FRAS1: variants seen among roughly 807,000 people sequenced by gnomAD.
The protein encoded by FRAS1 is Fraser extracellular matrix complex subunit 1, also known as extracellular matrix organizing protein FRAS1.
A neutral mutation model predicts 435.2 loss-of-function variants in FRAS1; 290 were observed. The observed-to-expected ratio is 0.67, with a 90% CI of 0.61 to 0.73. The LOEUF is 0.73. FRAS1 is among the 30% of genes least tolerant of loss of function. FRAS1 has a pLI of 0.00. For synonymous variants in FRAS1, 1,800 were observed against 1,851.0 expected, an observed-to-expected ratio of 0.97 and a Z score of 0.71; for missense variants, 4,860 against 5,001.5, an observed-to-expected ratio of 0.97 and a Z score of 0.85.
chr4:78,420,335 C>T lies in FRAS1; in HGVS notation c.4540+1272C>T, dbSNP rs115987074. On this transcript the variant is annotated intron_variant, in intron 33 of 73. Transcript: ENST00000512123. Reference sequence around the variant, plus strand: ...ACGGTTCTCCCTACATTGCCAGAGTCGAGATGGAGCCCTTTCAAACTAGCA... The same window carrying T: ...ACGGTTCTCCCTACATTGCCAGAGTTGAGATGGAGCCCTTTCAAACTAGCA... 9.4e-3 allele frequency among the ~76,000 whole-genome samples: 1,428 copies of T among 152,272 alleles called. 29 individuals are homozygous for T. Among genetic ancestry groups the T allele is most frequent in the African/African-American group, 0.031 (1,278 of 41,560 alleles).
intron 2 of FRAS1, among the ~76,000 whole-genome samples, chr4:78,099,352 G>A (rs565062858): frequency 2.8e-4 from 42 of 152,270 alleles, no homozygotes; most frequent in African/African-American, 9.6e-4. Flanking sequence ...TGGCTGTGAC[G>A]GTAGGCATGT....
chr4:78,521,766 T>C (rs1721394294), intron 68 of FRAS1, 136 bp downstream of exon 68: 1 of 572,780 alleles, frequency 1.7e-6, no homozygotes, highest in South Asian at 2.1e-5. Context: ...TGCACATACA[T>C]CCATCCATAC....
chr4:78,486,410 A>G (rs1333506549), intron 58 of FRAS1, among the ~76,000 whole-genome samples: 1 of 152,198 alleles, frequency 6.6e-6, no homozygotes, highest in Non-Finnish European at 1.5e-5. Context: ...TAGACTGGCC[A>G]TGCACAATAA....
At chr4:78,233,075 G>A (rs1326946546) in intron 2 of FRAS1, among the ~76,000 whole-genome samples, 2 of 152,230 alleles carry the variant, frequency 1.3e-5, no homozygotes, top group East Asian at 1.9e-4. Flanking sequence ...CAAGTCCAGC[G>A]ACTGAGGGCT....
intron 18 of FRAS1, among the ~76,000 whole-genome samples, chr4:78,331,879 A>T (rs142053468): frequency 0.018 from 2,793 of 152,342 alleles, 30 homozygotes; most frequent in Non-Finnish European, 0.028. Flanking sequence ...AGGCCAGAAG[A>T]TCAGGAGACT....
intron 22 of FRAS1, 111 bp from the exon 23 acceptor site, chr4:78,369,727 G>C (rs1731422654): frequency 1.4e-5 from 12 of 855,036 alleles, no homozygotes; most frequent in East Asian, 2.8e-5. Flanking sequence ...ATGAAATGTA[G>C]AGCAGGTTGG....
At chr4:78,164,002 A>C (rs1721242274) in intron 2 of FRAS1, among the ~76,000 whole-genome samples, 1 of 152,140 alleles carries the variant, frequency 6.6e-6, no homozygotes, top group African/African-American at 2.4e-5. Context: ...GATAGTGAGG[A>C]TCACATTGGC....
chr4:78,308,050 T>G lies in FRAS1; in HGVS notation c.1535-16T>G. The G allele has an allele frequency of 6.3e-7, 1 of 1,579,918 alleles. No individual in the cohort carries two copies. The highest frequency in any genetic ancestry group is 8.6e-7 in the Non-Finnish European group (1 of 1,159,872). On this transcript the variant is annotated splice_polypyrimidine_tract_variant and intron_variant, in intron 14 of 73. Coordinates refer to ENST00000512123, the MANE Select transcript of FRAS1 (RefSeq NM_025074.7). ...TCTGCCGTAGATTACTCACTGATTT[T>G]GCTATTCGTCTGCAGTCTGCCATGA...
intron 2 of FRAS1, among the ~76,000 whole-genome samples, chr4:78,101,276 G>T (rs1409292659): frequency 6.6e-6 from 1 of 152,136 alleles, no homozygotes; most frequent in East Asian, 1.9e-4. Flanking sequence ...TGAATTGGTG[G>T]CAGTCTTCGG....
chr4:78,263,398 T>G (rs1206937890), intron 6 of FRAS1, among the ~76,000 whole-genome samples: 1 of 152,222 alleles, frequency 6.6e-6, no homozygotes, highest in African/African-American at 2.4e-5. Context: ...CAATTTGCCC[T>G]ATATCAACCA....
chr4:78,398,732 C>T (rs1039646899), intron 29 of FRAS1, among the ~76,000 whole-genome samples: 11 of 152,152 alleles, frequency 7.2e-5, no homozygotes, highest in African/African-American at 2.4e-4. Context: ...CGCCTGTAAT[C>T]GCAACACTTT....
rs116159439 is a variant in FRAS1 at position 78,244,129 on chromosome 4, A to G, written c.217-1104A>G. On this transcript the variant is annotated intron_variant, in intron 3 of 73. Coordinates refer to ENST00000512123, the MANE Select transcript of FRAS1 (RefSeq NM_025074.7). ...GATGTATTTATCTGTTTAGTGGGTTAATGGTTGTAAAAACTTAGTCCTATT... is the reference window on the plus strand; with the variant it reads ...GATGTATTTATCTGTTTAGTGGGTTGATGGTTGTAAAAACTTAGTCCTATT... Among the ~76,000 whole-genome samples the G allele has an allele frequency of 8.5e-3, 1,298 of 152,276 alleles. 24 individuals carry two copies. Among genetic ancestry groups the G allele is most frequent in the Non-Finnish European group, 7.3e-3 (494 of 68,010 alleles).
At chr4:78,435,641 G>A (rs1335541501) in intron 38 of FRAS1, among the ~76,000 whole-genome samples, 1 of 152,034 alleles carries the variant, frequency 6.6e-6, no homozygotes, top group Admixed American at 6.6e-5. Context: ...AGGAGGCTGA[G>A]GCATGAGAAT....
chr4:78,380,063 T>C, intron 27 of FRAS1, 67 bp downstream of exon 27: 2 of 1,531,686 alleles, frequency 1.3e-6, no homozygotes, highest in Non-Finnish European at 1.8e-6. Flanking sequence ...TCCTCCACCC[T>C]GTCCCAGCCT....
chr4:78,406,672 G>A (rs1414380060), intron 30 of FRAS1, among the ~76,000 whole-genome samples: 7 of 130,818 alleles, frequency 5.4e-5, no homozygotes, highest in South Asian at 5.1e-4. Context: ...TGTCAAGAAA[G>A]ATGATCTTTA....
intron 48 of FRAS1, 75 bp from the exon 49 acceptor site, chr4:78,464,368 A>G (rs1001340703): frequency 5.7e-6 from 9 of 1,572,430 alleles, no homozygotes; most frequent in Admixed American, 1.8e-5. Context: ...AGAGAAAAGT[A>G]GAGAGCACCT....
At chr4:78,079,992 G>A (rs970550290) in intron 2 of FRAS1, among the ~76,000 whole-genome samples, 2 of 152,088 alleles carry the variant, frequency 1.3e-5, no homozygotes, top group Non-Finnish European at 2.9e-5. Context: ...CCATCTGCCT[G>A]GTTGGCCTAA....
At chr4:78,085,840 T>C (rs891256220) in intron 2 of FRAS1, among the ~76,000 whole-genome samples, 21 of 151,844 alleles carry the variant, frequency 1.4e-4, no homozygotes, top group South Asian at 6.3e-4. Flanking sequence ...ACTTTAACAC[T>C]CCACTGTCAA....
chr4:78,189,495 A>G (rs566748443), intron 2 of FRAS1, among the ~76,000 whole-genome samples: 1 of 152,360 alleles, frequency 6.6e-6, no homozygotes, highest in South Asian at 2.1e-4. Flanking sequence ...TCAGAACATG[A>G]TATGAGCAGA....
Sources: gnomAD v4.1 joint callset for allele counts (sites outside exome capture counted in the v4.1 genomes callset) on GRCh38, gnomAD v4.1.1 for gene constraint, MANE v1.5 for transcripts, NCBI Gene and HGNC (gene_info 2026-07-23, HGNC 2026-07-21) for gene names.